Variants in TMEM129 observed in about 807,000 individuals in gnomAD.
TMEM129 encodes transmembrane protein 129, E3 ubiquitin ligase, also known as E3 ubiquitin-protein ligase TM129.
A neutral mutation model predicts 34.1 loss-of-function variants in TMEM129; 35 were observed. The observed-to-expected ratio is 1.03, with a 90% CI of 0.78 to 1.36. The LOEUF is 1.36. Ranked by LOEUF, TMEM129 falls within the 40% of genes most tolerant of loss-of-function variation. The probability of loss-of-function intolerance (pLI) is 0.00; values close to 1 mark genes in which losing one functional copy is unlikely to be tolerated. For missense variants in TMEM129, 504 were observed against 512.6 expected (o/e 0.98, Z 0.16); for synonymous variants, 239 against 217.3 (o/e 1.10, Z -0.88).
chr4:1,717,940 G>C (rs1373111669), intron 2 of TMEM129: 1 of 668,874 alleles, frequency 1.5e-6, no homozygotes, highest in African/African-American at 1.8e-5. Context: ...GGAGTGGAAG[G>C]GGAGGCCAAG....
intron 2 of TMEM129, 111 bp from the exon 3 acceptor site, chr4:1,717,786 G>C: frequency 1.4e-6 from 2 of 1,389,500 alleles, no homozygotes. Context: ...AACCAGGAGA[G>C]ATGGCCCTAA....
Position 1,717,593 on chromosome 4 carries a change from T to G in TMEM129, c.763A>C (p.Ser255Arg). 2 of 1,550,058 alleles carry G rather than the reference T, an allele frequency of 1.3e-6. No homozygotes were observed. Among genetic ancestry groups the G allele is most frequent in the Non-Finnish European group, 1.7e-6 (2 of 1,146,446 alleles). ...GTCTCCAGGAACAGGTCGCCCAGGC[T>G]CTGGTGGATGACCACATGGGCTGCC... ...RRAAHVVIHQSLGDLFLETFA... is the reference protein window; with the variant it reads ...RRAAHVVIHQRLGDLFLETFA... Residue 255 changes from serine to arginine, a missense_variant, in exon 3 of 4, where the codon AGC becomes CGC. Ser to Arg is a moderately radical substitution (Grantham distance 110). Coordinates refer to ENST00000382936, the MANE Select transcript of TMEM129 (RefSeq NM_001127266.2).
In TMEM129 at chr4:1,720,399, G is replaced by A. The variant is rs1717240423; in HGVS notation, c.205+234C>T. Among the ~76,000 whole-genome samples, 1 of 152,268 alleles carries A rather than the reference G, an allele frequency of 6.6e-6. No homozygotes were observed. Among genetic ancestry groups the A allele is most frequent in the African/African-American group, 2.4e-5 (1 of 41,474 alleles). ...ACGGTTCAGGACTTGGTGGGCCGGAGCATCCCTTGCCCAAGGTTCTGAACT... is the reference window on the plus strand; with the variant it reads ...ACGGTTCAGGACTTGGTGGGCCGGAACATCCCTTGCCCAAGGTTCTGAACT... On this transcript the variant is annotated intron_variant, in intron 1 of 3. Coordinates refer to ENST00000382936, the MANE Select transcript of TMEM129 (RefSeq NM_001127266.2). The surrounding 1 kb of genome is among the most constrained non-coding windows in gnomAD (Gnocchi z 4.4).
chr4:1,717,502 C>A lies in TMEM129; in HGVS notation c.840+14G>T, dbSNP rs767178643. 18 of 1,509,932 alleles carry A rather than the reference C, an allele frequency of 1.2e-5. No individual in the cohort carries two copies. The South Asian group carries it at 2.1e-4, about 18-fold the overall frequency. The allele number at this position is 1,509,932 out of a possible 1,614,324, so 93.5% of individuals were successfully genotyped here. A position where few individuals can be genotyped will look rare whatever the true frequency, so the allele number is the denominator to read the frequency against. Reference sequence around the variant, plus strand: ...CACCCACCCATCCACCCGGCCCTGGCCCAGGCCCCCCACCTGGCTGCTGGG... The same window carrying A: ...CACCCACCCATCCACCCGGCCCTGGACCAGGCCCCCCACCTGGCTGCTGGG... On this transcript the variant is annotated intron_variant, in intron 3 of 3. Transcript: ENST00000382936.
intron 1 of TMEM129, among the ~76,000 whole-genome samples, chr4:1,719,408 G>A (rs966350974): frequency 3.3e-5 from 5 of 152,052 alleles, no homozygotes; most frequent in African/African-American, 1.2e-4. Context: ...AAAATTAGCC[G>A]GGCGTGGTGG....
intron 1 of TMEM129, chr4:1,719,088 C>G (rs1430290464): frequency 7.8e-7 from 1 of 1,279,214 alleles, no homozygotes; most frequent in South Asian, 1.2e-5. Flanking sequence ...GTCCAGAGGA[C>G]ACGGAGCCAG....
Position 1,720,039 on chromosome 4 carries a change from T to G in TMEM129, c.205+594A>C, listed in dbSNP as rs1411256200. 1.4e-5 allele frequency among the ~76,000 whole-genome samples: 2 copies of G among 147,918 alleles called. No homozygotes were observed. On this transcript the variant is annotated intron_variant, in intron 1 of 3. Transcript: ENST00000382936. The surrounding 1 kb of genome is among the most constrained non-coding windows in gnomAD (Gnocchi z 4.4). The stretch of plus-strand genomic sequence containing the variant: ...GCCACTGCACACCCCACCTCCCACC[T>G]GTCCGTCATCCAATCAGCTGAGAGA...
Position 1,717,281 on chromosome 4 carries a change from G to A in TMEM129, c.988C>T (p.Arg330Cys), listed in dbSNP as rs767144229. The A allele has an allele frequency of 5.2e-5, 79 of 1,531,196 alleles. 1 individual carries two copies. In the Middle Eastern group the frequency reaches 1.2e-3, roughly 23 times the overall value. 94.9% of individuals were successfully genotyped at this position (1,531,196 alleles called of 1,614,324 possible). A position where few individuals can be genotyped will look rare whatever the true frequency, so the allele number is the denominator to read the frequency against. ...GTGTCAGGGCGCAGGGGGTCCTGGCGGCTGGCGAACCACTTGCCCATGCAG... is the reference window on the plus strand; with the variant it reads ...GTGTCAGGGCGCAGGGGGTCCTGGCAGCTGGCGAACCACTTGCCCATGCAG... ...LTCMGKWFAS[R>C]QDPLRPDTWL... is the part of the protein sequence containing the mutation. Residue 330 changes from arginine (R) to cysteine (C), a missense_variant, in exon 4 of 4, where the codon CGC becomes TGC. By Grantham distance (180) the Arg-to-Cys change is radical. Coordinates refer to ENST00000382936, the MANE Select transcript of TMEM129 (RefSeq NM_001127266.2).
In TMEM129 at chr4:1,720,350, G is replaced by A. The variant is rs1577199728; in HGVS notation, c.205+283C>T. 1.3e-5 allele frequency among the ~76,000 whole-genome samples: 2 copies of A among 152,220 alleles called. No homozygotes were observed. The highest frequency in any genetic ancestry group is 2.1e-4 in the South Asian group (1 of 4,834). Reference sequence around the variant, plus strand: ...CAACCACGACAAGCAAGGGCTGCTTGGCCTTGCAACCCCCAGGCACGTGAC... The same window carrying A: ...CAACCACGACAAGCAAGGGCTGCTTAGCCTTGCAACCCCCAGGCACGTGAC... On this transcript the variant is annotated intron_variant, in intron 1 of 3. Transcript: ENST00000382936. The surrounding 1 kb of genome is among the most constrained non-coding windows in gnomAD (Gnocchi z 4.4).
Position 1,720,955 on chromosome 4 carries a change from A to G in TMEM129, c.-118T>C. On this transcript the variant is annotated 5_prime_UTR_variant, in exon 1 of 4. Transcript: ENST00000382936. The surrounding 1 kb of genome is among the most constrained non-coding windows in gnomAD (Gnocchi z 4.4). ...GCCGCCGCCCGGCCGCCCGCGGGGC[A>G]CTCTAGGACATGGAGTCCCGCCGCC... 1 of 689,722 alleles carries G rather than the reference A, an allele frequency of 1.4e-6. No individual in the cohort carries two copies. The highest frequency in any genetic ancestry group is 5.3e-5 in the South Asian group (1 of 18,774). The allele number at this position is 689,722 out of a possible 1,614,324, so 42.7% of individuals were successfully genotyped here. A position where few individuals can be genotyped will look rare whatever the true frequency, so the allele number is the denominator to read the frequency against.
chr4:1,718,434 A>G lies in TMEM129; in HGVS notation c.398T>C (p.Leu133Pro). ...AACAGCCTGCCAGCCAGACTGTGGG[A>G]GGGCGTAGAGGGCCAGGGTGCGCGC... ...PLARTLALYA[L>P]PQSGWQAVAS... The change falls in exon 2 of 4, where the codon CTC becomes CCC. Residue 133 changes from leucine (L) to proline (P), a missense_variant. Leu to Pro is a moderately conservative substitution (Grantham distance 98). Transcript: ENST00000382936. 6.3e-7 allele frequency: 1 copy of G among 1,587,458 alleles called. No homozygotes were observed. The highest frequency in any genetic ancestry group is 8.6e-7 in the Non-Finnish European group (1 of 1,166,400).
chr4:1,719,726 T>A (rs1407543751), intron 1 of TMEM129, among the ~76,000 whole-genome samples: 1 of 152,148 alleles, frequency 6.6e-6, no homozygotes. Flanking sequence ...ACCCACCCAG[T>A]AGCCCTAGAA....
At position 1,717,443 on chromosome 4, in the gene TMEM129, A is replaced by C; in HGVS notation, c.841-15T>G. 2 of 1,506,556 alleles carry C rather than the reference A, an allele frequency of 1.3e-6. No individual in the cohort carries two copies. The highest frequency in any genetic ancestry group is 1.8e-6 in the Non-Finnish European group (2 of 1,116,058). The allele number at this position is 1,506,556 out of a possible 1,614,324, so 93.3% of individuals were successfully genotyped here. A position where few individuals can be genotyped will look rare whatever the true frequency, so the allele number is the denominator to read the frequency against. On this transcript the variant is annotated splice_polypyrimidine_tract_variant and intron_variant, in intron 3 of 3. Transcript: ENST00000382936. ...GCCTCCAGCTCCTGCGGGCAGGTGG[A>C]GCGTCACCAGGAGCCCAGGCAGACA...
At position 1,719,042 on chromosome 4, in the gene TMEM129, G is replaced by A. The variant is rs980260588; in HGVS notation, c.206-416C>T. The A allele has an allele frequency of 4.4e-5, 57 of 1,282,174 alleles. 1 individual carries two copies. The East Asian group carries it at 1.8e-3, about 40-fold the overall frequency. The allele number at this position is 1,282,174 out of a possible 1,614,324, so 79.4% of individuals were successfully genotyped here. On this transcript the variant is annotated intron_variant, in intron 1 of 3. Coordinates refer to ENST00000382936, the MANE Select transcript of TMEM129 (RefSeq NM_001127266.2). ...ATCCCAGAGCTGAAAAGTTATGTGC[G>A]AGAAAGGAAGCAAGTCTCAAAGAAT...
At position 1,718,152 on chromosome 4, in the gene TMEM129, C is replaced by G; in HGVS notation, c.680G>C (p.Trp227Ser). 4 of 1,549,022 alleles carry G rather than the reference C, an allele frequency of 2.6e-6. No homozygotes were observed. Among genetic ancestry groups the G allele is most frequent in the Non-Finnish European group, 2.6e-6 (3 of 1,146,456 alleles). The change falls in exon 2 of 4, where the codon TGG becomes TCG. Residue 227 changes from tryptophan to serine, a missense_variant and splice_region_variant. Coordinates refer to ENST00000382936, the MANE Select transcript of TMEM129 (RefSeq NM_001127266.2). ...AGCCCCACAGGCACCACACTCTTAC[C>G]AGATGTCAAAGGCCTGCACAGCAGG... The part of the protein sequence containing the change: ...TNPAVQAFDI[W>S]LNSTEYGELC...
At position 1,718,365 on chromosome 4, in the gene TMEM129, G is replaced by A. The variant is rs1717088984; in HGVS notation, c.467C>T (p.Ala156Val). The change falls in exon 2 of 4, where the codon GCC becomes GTC. Residue 156 changes from alanine to valine, a missense_variant. Transcript: ENST00000382936. ...CACACGGGCACCTGGTGCACCGGTGGCAAACTTGTCAATCCGCCGGAACTC... is the reference window on the plus strand; with the variant it reads ...CACACGGGCACCTGGTGCACCGGTGACAAACTTGTCAATCCGCCGGAACTC... Reference protein sequence around the residue: ...NTEFRRIDKFATGAPGARVIV... With the variant: ...NTEFRRIDKFVTGAPGARVIV... The A allele has an allele frequency of 1.2e-6, 2 of 1,612,786 alleles. No individual in the cohort carries two copies. The highest frequency in any genetic ancestry group is 1.7e-5 in the Admixed American group (1 of 59,908).
At chr4:1,719,904 C>T (rs1372118837) in intron 1 of TMEM129, among the ~76,000 whole-genome samples, 1 of 152,180 alleles carries the variant, frequency 6.6e-6, no homozygotes, top group African/African-American at 2.4e-5. Flanking sequence ...GAGGGTCACC[C>T]CTCTTGTATC....
chr4:1,717,791 C>A (rs778024381), intron 2 of TMEM129, 116 bp from the exon 3 acceptor site: 4 of 1,373,484 alleles, frequency 2.9e-6, no homozygotes, highest in Non-Finnish European at 3.9e-6. Flanking sequence ...GGAGAGATGG[C>A]CCTAAGGCCA....
intron 1 of TMEM129, 32 bp from the exon 2 acceptor site, chr4:1,718,658 G>C (rs1323197899): frequency 1.4e-6 from 2 of 1,439,030 alleles, no homozygotes; most frequent in Admixed American, 2.9e-5. Flanking sequence ...TCAGGGGAAA[G>C]TGAGTGGCAG....
Sources: gnomAD v4.1 joint callset for allele counts (sites outside exome capture counted in the v4.1 genomes callset) on GRCh38, gnomAD v4.1.1 for gene constraint, Gnocchi (gnomAD v3.1) non-coding constraint, MANE v1.5 for transcripts, NCBI Gene and HGNC (gene_info 2026-07-23, HGNC 2026-07-21) for gene names.